The following BTBD9 variants were observed in gnomAD, a reference collection of about 807,000 sequenced individuals.
The protein encoded by BTBD9 is BTB domain containing 9.
Under a neutral mutation model 64.3 loss-of-function variants are expected in BTBD9, and 49 were observed. That is an observed-to-expected ratio of 0.76 (90% CI 0.61 to 0.97). The LOEUF is 0.97. BTBD9 is among the 50% of genes least tolerant of loss of function. The pLI is 0.00. For missense variants in BTBD9, 598 were observed against 762.1 expected (o/e 0.78, Z 2.53); for synonymous variants, 260 against 274.7 (o/e 0.95, Z 0.53).
intron 8 of BTBD9, among the ~76,000 whole-genome samples, chr6:38,257,607 A>G (rs1418507580): frequency 6.6e-6 from 1 of 152,166 alleles, no homozygotes; most frequent in Non-Finnish European, 1.5e-5. Context: ...CTGTAGTAGG[A>G]TTATCTGATT....
intron 1 of BTBD9, among the ~76,000 whole-genome samples, chr6:38,625,927 C>A (rs963559769): frequency 6.6e-6 from 1 of 152,204 alleles, no homozygotes; most frequent in South Asian, 2.1e-4. Context: ...CATTTTCTTT[C>A]TGACATGTAT....
intron 1 of BTBD9, among the ~76,000 whole-genome samples, chr6:38,611,937 C>T (rs1777629766): frequency 6.6e-6 from 1 of 152,152 alleles, no homozygotes; most frequent in Non-Finnish European, 1.5e-5. Context: ...CTCTCAAAGT[C>T]TCTAGCGATT....
At chr6:38,395,227 T>C (rs1766613014) in intron 6 of BTBD9, among the ~76,000 whole-genome samples, 1 of 152,006 alleles carries the variant, frequency 6.6e-6, no homozygotes, top group Admixed American at 6.5e-5. Flanking sequence ...GCCCCAAAGT[T>C]AGAGACCAGC....
chr6:38,513,347 C>G (rs1772860186), intron 6 of BTBD9, among the ~76,000 whole-genome samples: 1 of 151,818 alleles, frequency 6.6e-6, no homozygotes, highest in African/African-American at 2.4e-5. Flanking sequence ...ACTTGGGAGG[C>G]TGAAGCAGAA....
chr6:38,202,634 A>G (rs909592755), intron 9 of BTBD9, among the ~76,000 whole-genome samples: 5 of 152,174 alleles, frequency 3.3e-5, no homozygotes, highest in Non-Finnish European at 5.9e-5. Context: ...ACTGATACTC[A>G]ACAAAGGAAC....
At chr6:38,389,621 G>A (rs1011443742) in intron 6 of BTBD9, among the ~76,000 whole-genome samples, 46 of 152,116 alleles carry the variant, frequency 3.0e-4, no homozygotes, top group African/African-American at 9.9e-4. Flanking sequence ...TTACTCAAAT[G>A]CATAGATATC....
chr6:38,524,175 G>A (rs2127422510), intron 6 of BTBD9, among the ~76,000 whole-genome samples: 1 of 151,920 alleles, frequency 6.6e-6, no homozygotes, highest in Non-Finnish European at 1.5e-5. Flanking sequence ...GAAAGTGACA[G>A]AAATAAGAGT....
At chr6:38,221,521 T>C (rs1763194639) in intron 9 of BTBD9, among the ~76,000 whole-genome samples, 1 of 152,124 alleles carries the variant, frequency 6.6e-6, no homozygotes, top group African/African-American at 2.4e-5. Flanking sequence ...CAGTGATGCC[T>C]GAGGAGTGCC....
chr6:38,228,343 C>CA (rs1226419843), intron 9 of BTBD9, among the ~76,000 whole-genome samples: 41 of 64,554 alleles, frequency 6.4e-4, no homozygotes, highest in Admixed American at 2.3e-3. Context: ...AGACCCTGTC[C>CA]CCCCCCCCAA....
At chr6:38,492,292 G>A (rs1346590409) in intron 6 of BTBD9, among the ~76,000 whole-genome samples, 1 of 152,198 alleles carries the variant, frequency 6.6e-6, no homozygotes. Context: ...ACCAGGAGCA[G>A]GTAACTGAAG....
At chr6:38,302,485 G>GTATGTATATATATATA (rs1384155514) in intron 7 of BTBD9, among the ~76,000 whole-genome samples, 3 of 106,894 alleles carry the variant, frequency 2.8e-5, no homozygotes, top group Non-Finnish European at 3.8e-5. Context: ...TTGTGTGTAT[G>GTATGTATATATATATA]TATATATATA....
intron 10 of BTBD9, 33 bp downstream of exon 10, chr6:38,192,486 C>T: frequency 6.3e-7 from 1 of 1,577,468 alleles, no homozygotes; most frequent in South Asian, 1.1e-5. Context: ...ATCATGAAAT[C>T]TCATGGCACC....
chr6:38,564,571 C>T (rs1775398698), intron 6 of BTBD9, among the ~76,000 whole-genome samples: 1 of 151,958 alleles, frequency 6.6e-6, no homozygotes, highest in Non-Finnish European at 1.5e-5. Flanking sequence ...CCAGCTCAAT[C>T]CTGGCACCAA....
intron 6 of BTBD9, among the ~76,000 whole-genome samples, chr6:38,404,044 A>T (rs1402619581): frequency 2.6e-5 from 4 of 152,238 alleles, no homozygotes; most frequent in African/African-American, 9.6e-5. Flanking sequence ...CCATAAAGAC[A>T]TAAAGCAGAT....
chr6:38,543,873 C>T (rs984138843), intron 6 of BTBD9, among the ~76,000 whole-genome samples: 1 of 151,472 alleles, frequency 6.6e-6, no homozygotes, highest in Non-Finnish European at 1.5e-5. Flanking sequence ...AGGAGAATGG[C>T]ATGAACCTGG....
At chr6:38,239,377 T>C (rs1368717832) in intron 9 of BTBD9, among the ~76,000 whole-genome samples, 1 of 148,218 alleles carries the variant, frequency 6.7e-6, no homozygotes, top group African/African-American at 2.5e-5. Flanking sequence ...GATGTGGAGG[T>C]TGCAGTGAGC....
intron 7 of BTBD9, among the ~76,000 whole-genome samples, chr6:38,333,836 T>C (rs534460882): frequency 1.3e-4 from 20 of 152,292 alleles, no homozygotes; most frequent in Admixed American, 1.2e-3. Flanking sequence ...AAGTGTGCCA[T>C]TGCTACAACG....
chr6:38,199,494 G>C (rs1431861113), intron 9 of BTBD9, among the ~76,000 whole-genome samples: 2 of 152,094 alleles, frequency 1.3e-5, no homozygotes, highest in Non-Finnish European at 2.9e-5. Flanking sequence ...CAAAGTTCCT[G>C]CCCTCCAAGA....
At chr6:38,285,879 C>T (rs944162359) in intron 8 of BTBD9, among the ~76,000 whole-genome samples, 10 of 152,008 alleles carry the variant, frequency 6.6e-5, no homozygotes, top group Non-Finnish European at 1.2e-4. Flanking sequence ...CAACTGTTTT[C>T]CAGATTTTTA....
Sources: allele counts gnomAD v4.1 joint callset (sites outside exome capture counted in the v4.1 genomes callset), GRCh38; gene constraint gnomAD v4.1.1; transcripts MANE v1.5; gene names NCBI Gene and HGNC (gene_info 2026-07-23, HGNC 2026-07-21).